The following C3orf70 variants were observed in gnomAD, a reference collection of about 807,000 sequenced individuals.
The protein encoded by C3orf70 is chromosome 3 open reading frame 70, also known as UPF0524 protein C3orf70.
A neutral mutation model predicts 20.7 loss-of-function variants in C3orf70; 15 were observed. That is an observed-to-expected ratio of 0.72 (90% CI 0.48 to 1.11). The LOEUF is 1.11. Among genes scored for constraint, C3orf70 ranks in the 50% most tolerant of loss-of-function variants. C3orf70 has a pLI of 0.00. For synonymous variants in C3orf70, 161 were observed against 125.7 expected, an observed-to-expected ratio of 1.28 and a Z score of -1.88; for missense variants, 332 against 317.6, an observed-to-expected ratio of 1.05 and a Z score of -0.34.
rs778071741 is a variant in C3orf70, at chr3:185,083,061, G to A, written c.699C>T (p.Leu233=). 9.9e-6 allele frequency: 16 copies of A among 1,614,130 alleles called. No homozygotes were observed. The South Asian group carries it at 1.4e-4, about 14-fold the overall frequency. Residue 233 remains leucine, a synonymous_variant, in exon 2 of 2, where the codon CTC becomes CTT. Transcript: ENST00000335012. The part of the protein sequence containing the change: ...SSWEPDECTL[L]SPSQSDLEVI... ...CTTCCAGGTCAGACTGCGAGGGGGA[G>A]AGAAGGGTGCACTCATCCGGTTCCC...
intron 1 of C3orf70, among the ~76,000 whole-genome samples, chr3:185,120,714 T>TAAAAAAAAAAAAAA (rs565950615): frequency 1.4e-5 from 1 of 72,772 alleles, no homozygotes; most frequent in African/African-American, 4.4e-5. Context: ...AATCCAAAAC[T>TAAAAAAAAAAAAAA]AAAAAAAAAA....
intron 1 of C3orf70, among the ~76,000 whole-genome samples, chr3:185,143,981 AACACACACACACACACACAC>A (rs34762767): frequency 6.7e-6 from 1 of 148,844 alleles, no homozygotes; most frequent in African/African-American, 2.5e-5. Context: ...TTCTATGGTA[AACACACACACACACACACAC>A]ACACACACAC....
chr3:185,094,334 C>T (rs1440102287), intron 1 of C3orf70, among the ~76,000 whole-genome samples: 2 of 152,110 alleles, frequency 1.3e-5, no homozygotes, highest in East Asian at 3.9e-4. Context: ...ACCTTGTCCT[C>T]CCAAAGTGCT....
intron 1 of C3orf70, among the ~76,000 whole-genome samples, chr3:185,094,168 C>T (rs1358410023): frequency 3.4e-5 from 5 of 147,960 alleles, no homozygotes; most frequent in Non-Finnish European, 5.9e-5. Context: ...ACCTCCACCT[C>T]CTGGGTTCAA....
chr3:185,115,321 A>G (rs769294959), intron 1 of C3orf70, among the ~76,000 whole-genome samples: 6 of 152,208 alleles, frequency 3.9e-5, no homozygotes, highest in African/African-American at 9.6e-5. Flanking sequence ...TAGACACAAT[A>G]AAAGTACACA....
chr3:185,089,299 T>C (rs1452930269), intron 1 of C3orf70, among the ~76,000 whole-genome samples: 1 of 152,178 alleles, frequency 6.6e-6, no homozygotes, highest in Non-Finnish European at 1.5e-5. Flanking sequence ...CCCACAGATA[T>C]TTATTCTGTG....
rs139578755 is a variant in C3orf70 at position 185,130,844 on chromosome 3, C to T, written c.196+21784G>A. ...TAGTCCATCTGTGTATTTTCCATAC[C>T]TTGTTTATCCATTCATCAATTAATG... On this transcript the variant is annotated intron_variant, in intron 1 of 1. Transcript: ENST00000335012. 3.3e-5 allele frequency among the ~76,000 whole-genome samples: 5 copies of T among 152,224 alleles called. No individual in the cohort carries two copies. The East Asian group carries it at 5.8e-4, about 18-fold the overall frequency.
intron 1 of C3orf70, among the ~76,000 whole-genome samples, chr3:185,120,033 A>AAAAAAAGAAAAAG (rs55921240): frequency 9.9e-6 from 1 of 100,784 alleles, no homozygotes. Context: ...AAAAAAAAAA[A>AAAAAAAGAAAAAG]AAAAAGAAAA....
chr3:185,143,449 A>T (rs1716797246), intron 1 of C3orf70, among the ~76,000 whole-genome samples: 1 of 152,222 alleles, frequency 6.6e-6, no homozygotes, highest in Non-Finnish European at 1.5e-5. Context: ...TTAAATGGAC[A>T]AACAAGCACT....
rs554872133 is a variant in C3orf70 at position 185,079,456 on chromosome 3, T to G, written c.*3551A>C. Reference sequence around the variant, plus strand: ...AAGTCTTCCCCTCCCAGGAAAGGACTGTTCTTCAGGGCTGTCCTCAGATTC... The same window carrying G: ...AAGTCTTCCCCTCCCAGGAAAGGACGGTTCTTCAGGGCTGTCCTCAGATTC... On this transcript the variant is annotated 3_prime_UTR_variant, in exon 2 of 2. Coordinates refer to ENST00000335012, the MANE Select transcript of C3orf70 (RefSeq NM_001025266.3). 1 of 152,148 alleles carries G rather than the reference T, an allele frequency of 6.6e-6. No homozygotes were observed. The highest frequency in any genetic ancestry group is 6.5e-5 in the Admixed American group (1 of 15,272). 9.4% of individuals were successfully genotyped at this position (152,148 alleles called of 1,614,324 possible).
intron 1 of C3orf70, among the ~76,000 whole-genome samples, chr3:185,091,123 A>G (rs1715561129): frequency 6.6e-6 from 1 of 152,210 alleles, no homozygotes; most frequent in African/African-American, 2.4e-5. Context: ...GCTTTCAGAT[A>G]GATACAGAAG....
rs1715274046 is a variant in C3orf70 at position 185,079,271 on chromosome 3, AC to A, written c.*3735del. Reference sequence around the variant, plus strand: ...ACTCCAGCCTGGGTGAAGGAGCGAGACTCTGTCTCAAAAAAAAAAAAAAAAA... The same window carrying A: ...ACTCCAGCCTGGGTGAAGGAGCGAGATCTGTCTCAAAAAAAAAAAAAAAAA... On this transcript the variant is annotated 3_prime_UTR_variant, in exon 2 of 2. Coordinates refer to ENST00000335012, the MANE Select transcript of C3orf70 (RefSeq NM_001025266.3). The A allele has an allele frequency of 1.5e-5, 2 of 129,946 alleles. No homozygotes were observed. The highest frequency in any genetic ancestry group is 8.3e-5 in the Admixed American group (1 of 12,074). 8.0% of individuals were successfully genotyped at this position (129,946 alleles called of 1,614,324 possible). A position where few individuals can be genotyped will look rare whatever the true frequency, so the allele number is the denominator to read the frequency against.
At chr3:185,097,905 CTTACAA>C (rs2108591384) in intron 1 of C3orf70, among the ~76,000 whole-genome samples, 1 of 152,272 alleles carries the variant, frequency 6.6e-6, no homozygotes, top group East Asian at 1.9e-4. Flanking sequence ...TGTGTAGAAA[CTTACAA>C]TTACAGCAGA....
chr3:185,112,118 C>A (rs1025532905), intron 1 of C3orf70, among the ~76,000 whole-genome samples: 2 of 152,004 alleles, frequency 1.3e-5, no homozygotes. Flanking sequence ...TGGGGAAATC[C>A]TGTCTCTACT....
At chr3:185,116,964 G>A (rs1177862435) in intron 1 of C3orf70, among the ~76,000 whole-genome samples, 3 of 151,952 alleles carry the variant, frequency 2.0e-5, no homozygotes, top group African/African-American at 7.3e-5. Context: ...GTATTTTTAA[G>A]TAGAGATGGG....
At chr3:185,143,684 G>A (rs1334050401) in intron 1 of C3orf70, among the ~76,000 whole-genome samples, 1 of 152,094 alleles carries the variant, frequency 6.6e-6, no homozygotes, top group Non-Finnish European at 1.5e-5. Flanking sequence ...AAGTTTACTG[G>A]CCCAGCATTC....
intron 1 of C3orf70, among the ~76,000 whole-genome samples, chr3:185,120,386 C>G (rs1235045869): frequency 1.3e-5 from 2 of 151,888 alleles, no homozygotes; most frequent in African/African-American, 4.8e-5. Flanking sequence ...GTATAGTAAA[C>G]AAATAGATAT....
chr3:185,135,465 T>C (rs556636332), intron 1 of C3orf70, among the ~76,000 whole-genome samples: 2 of 152,046 alleles, frequency 1.3e-5, no homozygotes, highest in South Asian at 4.2e-4. Context: ...TACTAAAAAA[T>C]AATAATACAA....
chr3:185,103,479 G>A (rs888577998), intron 1 of C3orf70, among the ~76,000 whole-genome samples: 3 of 145,914 alleles, frequency 2.1e-5, no homozygotes, highest in East Asian at 2.0e-4. Context: ...ATCCATCATC[G>A]AGAAGAAACT....
Sources: gnomAD v4.1 joint callset for allele counts (sites outside exome capture counted in the v4.1 genomes callset) on GRCh38, gnomAD v4.1.1 for gene constraint, MANE v1.5 for transcripts, NCBI Gene and HGNC (gene_info 2026-07-23, HGNC 2026-07-21) for gene names.